NRAS: variants seen among roughly 807,000 people sequenced by gnomAD.
NRAS encodes the protein GTPase NRas.
A neutral mutation model predicts 21.3 loss-of-function variants in NRAS; 6 were observed. That is an observed-to-expected ratio of 0.28 (90% CI 0.15 to 0.56). The LOEUF is 0.56. NRAS is among the 20% of genes least tolerant of loss of function. NRAS has a pLI of 0.93. For missense variants in NRAS, 143 were observed against 231.3 expected, an observed-to-expected ratio of 0.62 and a Z score of 2.48; for synonymous variants, 84 against 82.0, an observed-to-expected ratio of 1.02 and a Z score of -0.13.
intron 2 of NRAS, 47 bp from the exon 3 acceptor site, chr1:114,714,025 T>C: frequency 9.8e-7 from 1 of 1,020,176 alleles, no homozygotes; most frequent in Non-Finnish European, 1.5e-6. Context: ...GAAGTTCAAT[T>C]TTTATTAAAA....
chr1:114,713,664 C>T, intron 3 of NRAS, 136 bp downstream of exon 3: 2 of 727,014 alleles, frequency 2.8e-6, no homozygotes, highest in South Asian at 1.6e-5. Context: ...ACCCTAGATT[C>T]TCAATGTCAA....
At chr1:114,714,333 T>C (rs995923973) in intron 2 of NRAS, among the ~76,000 whole-genome samples, 24 of 152,370 alleles carry the variant, frequency 1.6e-4, no homozygotes, top group Admixed American at 3.9e-4. Flanking sequence ...TGAACTGGAC[T>C]GTTTTATTTG....
chr1:114,709,430 G>A (rs1570871236), intron 4 of NRAS, 139 bp downstream of exon 4: 3 of 717,064 alleles, frequency 4.2e-6, no homozygotes, highest in Non-Finnish European at 7.0e-6. Flanking sequence ...GTGAGACTCT[G>A]CCTAAAAAAA....
At chr1:114,710,894 G>C (rs553140955) in intron 3 of NRAS, among the ~76,000 whole-genome samples, 6 of 152,308 alleles carry the variant, frequency 3.9e-5, no homozygotes, top group Admixed American at 1.3e-4. Context: ...TTAGATTAAG[G>C]TCTAAAGTAT....
intron 3 of NRAS, among the ~76,000 whole-genome samples, chr1:114,711,658 A>AT (rs1264728968): frequency 1.3e-5 from 2 of 152,030 alleles, no homozygotes; most frequent in Non-Finnish European, 2.9e-5. Flanking sequence ...AAAACATTGT[A>AT]TCTGGAAGCC....
At position 114,709,457 on chromosome 1, in the gene NRAS, AT is replaced by A. The variant is rs568971841; in HGVS notation, c.450+111del. The A allele has an allele frequency of 5.4e-4, 507 of 941,496 alleles. 1 individual carries two copies. Among genetic ancestry groups the A allele is most frequent in the Non-Finnish European group, 6.3e-4 (385 of 612,558 alleles). 58.3% of individuals were successfully genotyped at this position (941,496 alleles called of 1,614,324 possible). On this transcript the variant is annotated intron_variant, in intron 4 of 6. Coordinates refer to ENST00000369535, the MANE Select transcript of NRAS (RefSeq NM_002524.5). ...CTAAAAAAAAATAAAAAATAAAAAA[AT>A]AAAAATGAAAAAAATGCATAACAAC...
chr1:114,711,851 G>T (rs1659053375), intron 3 of NRAS, among the ~76,000 whole-genome samples: 1 of 152,056 alleles, frequency 6.6e-6, no homozygotes, highest in African/African-American at 2.4e-5. Flanking sequence ...TGATGGAAAT[G>T]GTCTATATCT....
intron 3 of NRAS, among the ~76,000 whole-genome samples, chr1:114,712,204 T>C (rs535642096): frequency 6.6e-6 from 1 of 152,338 alleles, no homozygotes; most frequent in South Asian, 2.1e-4. Context: ...TTAACGGCTT[T>C]CAGCATACAG....
chr1:114,714,839 G>A (rs1659119034), intron 2 of NRAS, among the ~76,000 whole-genome samples: 1 of 152,052 alleles, frequency 6.6e-6, no homozygotes, highest in South Asian at 2.1e-4. Context: ...AAATATTAAA[G>A]CTGTTAAGCT....
In NRAS at chr1:114,713,984, G is replaced by C. The variant is rs200604652; in HGVS notation, c.112-6C>G. On this transcript the variant is annotated splice_polypyrimidine_tract_variant and splice_region_variant and intron_variant, in intron 2 of 6. Transcript: ENST00000369535. ...ACTTGTTTTCTGTAAGAATCCTGGG[G>C]GTGTGGAGGGTAAGGGGGCAGGGAG... 2.8e-5 allele frequency: 44 copies of C among 1,583,994 alleles called. No individual in the cohort carries two copies. The East Asian group carries it at 9.9e-4, about 36-fold the overall frequency.
At chr1:114,712,469 A>C (rs982238334) in intron 3 of NRAS, among the ~76,000 whole-genome samples, 1 of 152,264 alleles carries the variant, frequency 6.6e-6, no homozygotes, top group Non-Finnish European at 1.5e-5. Flanking sequence ...AAAATGAATA[A>C]ATTTCTTGTA....
rs1658971341 is a variant in NRAS at position 114,708,621 on chromosome 1, C to G, written c.484G>C (p.Glu162Gln). 8 of 1,613,174 alleles carry G rather than the reference C, an allele frequency of 5.0e-6. No homozygotes were observed. The highest frequency in any genetic ancestry group is 3.3e-4 in the Middle Eastern group (2 of 6,060). ...VEDAFYTLVREIRQYRMKKLN... is the reference protein window; with the variant it reads ...VEDAFYTLVRQIRQYRMKKLN... Reference sequence around the variant, plus strand: ...TTTTTCATTCGGTACTGGCGTATTTCTCTTACCAGTGTGTAAAAAGCATCT... The same window carrying G: ...TTTTTCATTCGGTACTGGCGTATTTGTCTTACCAGTGTGTAAAAAGCATCT... Residue 162 changes from glutamate to glutamine, a missense_variant, in exon 5 of 7, where the codon GAA becomes CAA. By Grantham distance (29) the Glu-to-Gln change is conservative (BLOSUM62 2). Coordinates refer to ENST00000369535, the MANE Select transcript of NRAS (RefSeq NM_002524.5).
chr1:114,713,331 T>A (rs944193861), intron 3 of NRAS, among the ~76,000 whole-genome samples: 4 of 152,040 alleles, frequency 2.6e-5, no homozygotes, highest in African/African-American at 4.8e-5. Context: ...CTAATTTTTT[T>A]ATTTTTATTT....
chr1:114,716,259 A>G, intron 1 of NRAS, 82 bp from the exon 2 acceptor site: 1 of 857,892 alleles, frequency 1.2e-6, no homozygotes, highest in Non-Finnish European at 2.0e-6. Context: ...TGGAAATGAA[A>G]ACCCTAGTGT....
chr1:114,708,248 C>A, intron 5 of NRAS, 56 bp from the exon 6 acceptor site: 1 of 415,012 alleles, frequency 2.4e-6, no homozygotes, highest in Non-Finnish European at 4.3e-6. Context: ...AGTAGTGATC[C>A]TTCAAATTCC....
rs976435324 is a variant in NRAS, at chr1:114,706,353, G to A, written c.*1741C>T. ...AAAGTTATCCAAGTCTATTTTTCAT[G>A]AGAATTACCAGGGTATTATCTGCAA... On this transcript the variant is annotated 3_prime_UTR_variant, in exon 7 of 7. Coordinates refer to ENST00000369535, the MANE Select transcript of NRAS (RefSeq NM_002524.5). 2.0e-5 allele frequency: 3 copies of A among 152,180 alleles called. No homozygotes were observed. The highest frequency in any genetic ancestry group is 7.2e-5 in the African/African-American group (3 of 41,450). The allele number at this position is 152,180 out of a possible 1,614,324, so 9.4% of individuals were successfully genotyped here.
At chr1:114,715,916 A>C in intron 2 of NRAS, 134 bp downstream of exon 2, 1 of 713,914 alleles carries the variant, frequency 1.4e-6, no homozygotes, top group Non-Finnish European at 2.6e-6. Context: ...CGTTAAGCTT[A>C]TTGCATAACT....
chr1:114,709,713 T>G lies in NRAS; in HGVS notation c.306A>C (p.Arg102=). Reference sequence around the variant, plus strand: ...TAGGTACATCATCCGAGTCTTTTACTCGCTTAATCTGCTCCCTAAAAACGG... The same window carrying G: ...TAGGTACATCATCCGAGTCTTTTACGCGCTTAATCTGCTCCCTAAAAACGG... ...DINLYREQIK[R]VKDSDDVPMV... The change falls in exon 4 of 7, where the codon CGA becomes CGC. Residue 102 remains arginine, a synonymous_variant. Transcript: ENST00000369535. The G allele has an allele frequency of 6.2e-7, 1 of 1,613,402 alleles. No individual in the cohort carries two copies. The highest frequency in any genetic ancestry group is 1.1e-5 in the South Asian group (1 of 91,068).
In NRAS at chr1:114,716,156, G is replaced by T; in HGVS notation, c.5C>A (p.Thr2Asn). ...TCCAACCACCACCAGTTTGTACTCA[G>T]TCATTTCACACCAGCAAGAACCTGT... Reference protein sequence around the residue: MTEYKLVVVGAG... With the variant: MNEYKLVVVGAG... The change falls in exon 2 of 7, where the codon ACT becomes AAT. Residue 2 changes from threonine (T) to asparagine (N), a missense_variant. Thr to Asn is a moderately conservative substitution (Grantham distance 65). Coordinates refer to ENST00000369535, the MANE Select transcript of NRAS (RefSeq NM_002524.5). 6.2e-7 allele frequency: 1 copy of T among 1,609,138 alleles called. No individual in the cohort carries two copies. Among genetic ancestry groups the T allele is most frequent in the Non-Finnish European group, 8.5e-7 (1 of 1,175,490 alleles).
Sources: gnomAD v4.1 joint callset for allele counts (sites outside exome capture counted in the v4.1 genomes callset) on GRCh38, gnomAD v4.1.1 for gene constraint, MANE v1.5 for transcripts, NCBI Gene and HGNC (gene_info 2026-07-23, HGNC 2026-07-21) for gene names.